Variants in FOXP2 observed in about 807,000 individuals in gnomAD.
FOXP2 encodes the protein forkhead box protein P2.
FOXP2 carries 12 observed loss-of-function variants against 115.8 expected under a neutral mutation model. The ratio of observed to expected loss-of-function variants is 0.10; its 90% CI spans 0.07 to 0.17. FOXP2 has a LOEUF of 0.17. FOXP2 is among the 10% of genes least tolerant of loss of function. The pLI is 1.00. For synonymous variants in FOXP2, 328 were observed against 297.7 expected, an observed-to-expected ratio of 1.10 and a Z score of -1.05; for missense variants, 629 against 843.5, an observed-to-expected ratio of 0.75 and a Z score of 3.15.
chr7:114,144,122 T>C (rs1584505001), intron 1 of FOXP2, among the ~76,000 whole-genome samples: 1 of 152,174 alleles, frequency 6.6e-6, no homozygotes, highest in Admixed American at 6.5e-5. Context: ...TGTCTGAGCA[T>C]GTTAAAAGTA....
chr7:114,517,385 GT>G (rs1231279220), intron 2 of FOXP2, among the ~76,000 whole-genome samples: 2 of 152,076 alleles, frequency 1.3e-5, no homozygotes, highest in Non-Finnish European at 2.9e-5. Flanking sequence ...TATTGCCTGT[GT>G]TTTGGGGCTC....
rs199581885 is a variant in FOXP2, at chr7:114,664,446, G to C, written c.2003+10G>C. 78 of 1,613,070 alleles carry C rather than the reference G, an allele frequency of 4.8e-5. No individual in the cohort carries two copies. In the Admixed American group the frequency reaches 8.9e-4, roughly 18 times the overall value. The stretch of plus-strand genomic sequence containing the variant: ...CACCTCAGCCGCACATGTAAGTGTG[G>C]TTAACAGACTCTCTAAAGGGAAGAA... On this transcript the variant is annotated intron_variant, in intron 16 of 16. Transcript: ENST00000350908.
At chr7:114,629,015 T>A in intron 4 of FOXP2, 1 of 300,664 alleles carries the variant, frequency 3.3e-6, no homozygotes, top group South Asian at 3.2e-5. Context: ...TAGTTGCTTT[T>A]AAAACTCCTA....
chr7:114,229,624 T>A (rs1794824075), intron 1 of FOXP2, among the ~76,000 whole-genome samples: 1 of 151,216 alleles, frequency 6.6e-6, no homozygotes, highest in African/African-American at 2.4e-5. Flanking sequence ...ATATGGAAAT[T>A]AAGCAACATA....
intron 3 of FOXP2, among the ~76,000 whole-genome samples, chr7:114,569,503 T>C (rs560789617): frequency 1.6e-4 from 24 of 152,052 alleles, no homozygotes; most frequent in South Asian, 1.4e-3. Context: ...TGCCAACACC[T>C]TCAATTGGAG....
intron 1 of FOXP2, among the ~76,000 whole-genome samples, chr7:114,272,242 G>T (rs756489736): frequency 6.6e-5 from 10 of 150,616 alleles, no homozygotes; most frequent in Non-Finnish European, 1.5e-4. Context: ...ATCCCACTTG[G>T]TAATGGTATA....
intron 2 of FOXP2, among the ~76,000 whole-genome samples, chr7:114,469,086 C>T (rs191177290): frequency 6.6e-6 from 1 of 152,232 alleles, no homozygotes; most frequent in East Asian, 1.9e-4. Context: ...GGCTCCTGTT[C>T]AACTCTTCCT....
chr7:114,193,596 T>C (rs1396356190), intron 1 of FOXP2, among the ~76,000 whole-genome samples: 1 of 152,002 alleles, frequency 6.6e-6, no homozygotes, highest in Non-Finnish European at 1.5e-5. Context: ...GAATGTCCGG[T>C]GGGAAATTTT....
chr7:114,371,723 C>G (rs982595941), intron 2 of FOXP2, among the ~76,000 whole-genome samples: 5 of 151,968 alleles, frequency 3.3e-5, no homozygotes, highest in African/African-American at 1.2e-4. Context: ...TTTCTAACTG[C>G]CCCCAGTGTC....
intron 3 of FOXP2, among the ~76,000 whole-genome samples, chr7:114,604,078 G>A (rs1291539405): frequency 3.3e-5 from 5 of 152,122 alleles, no homozygotes; most frequent in African/African-American, 9.7e-5. Context: ...TTACCATAAC[G>A]TGAGTGGCTT....
At chr7:114,484,706 C>A (rs1243884146) in intron 2 of FOXP2, among the ~76,000 whole-genome samples, 1 of 151,820 alleles carries the variant, frequency 6.6e-6, no homozygotes, top group Non-Finnish European at 1.5e-5. Flanking sequence ...ACCTGACTAA[C>A]CCTTACCATT....
intron 1 of FOXP2, among the ~76,000 whole-genome samples, chr7:114,166,692 G>A (rs889402981): frequency 1.3e-5 from 2 of 152,074 alleles, no homozygotes; most frequent in Admixed American, 1.3e-4. Flanking sequence ...GTGACAGAGT[G>A]AGACTTTGTC....
Position 114,481,804 on chromosome 7 carries a change from C to CTATCTATA in FOXP2, c.169-52805_169-52798dup, listed in dbSNP as rs1162983359. 4.7e-5 allele frequency among the ~76,000 whole-genome samples: 7 copies of CTATCTATA among 148,100 alleles called. No individual in the cohort carries two copies. In the South Asian group the frequency reaches 1.3e-3, roughly 27 times the overall value. ...TCTATCTATCTATCTATCTATCTAT[C>CTATCTATA]TATCTATATATCTATCTATCTAATC... On this transcript the variant is annotated intron_variant, in intron 2 of 16. Coordinates refer to ENST00000350908, the MANE Select transcript of FOXP2 (RefSeq NM_014491.4).
chr7:114,613,058 C>G (rs1238407753), intron 3 of FOXP2, among the ~76,000 whole-genome samples: 2 of 152,140 alleles, frequency 1.3e-5, no homozygotes, highest in Non-Finnish European at 2.9e-5. Flanking sequence ...AAGTATTTAC[C>G]AGCATATATT....
chr7:114,305,628 T>C lies in FOXP2; in HGVS notation c.-11+17519T>C, dbSNP rs1796995144. ...TCCTTATACATTTATGAGGAAATTGTACGGTAAGAAGTTTAGAACTGGAAG... is the reference window on the plus strand; with the variant it reads ...TCCTTATACATTTATGAGGAAATTGCACGGTAAGAAGTTTAGAACTGGAAG... On this transcript the variant is annotated intron_variant, in intron 2 of 17. Coordinates refer to the FOXP2 transcript ENST00000634411. Among the ~76,000 whole-genome samples, 5 of 152,140 alleles carry C rather than the reference T, an allele frequency of 3.3e-5. No homozygotes were observed. In the South Asian group the frequency reaches 1.0e-3, roughly 31 times the overall value.
intron 2 of FOXP2, among the ~76,000 whole-genome samples, chr7:114,479,256 G>T (rs945037168): frequency 3.3e-5 from 5 of 151,034 alleles, no homozygotes; most frequent in East Asian, 3.9e-4. Context: ...GTAAAAGTAG[G>T]TTATTTATAA....
At chr7:114,632,964 TAAA>T (rs1381643047) in intron 6 of FOXP2, among the ~76,000 whole-genome samples, 1 of 151,946 alleles carries the variant, frequency 6.6e-6, no homozygotes, top group African/African-American at 2.4e-5. Flanking sequence ...CATGAAAAAG[TAAA>T]AAAGAAAAGA....
intron 3 of FOXP2, among the ~76,000 whole-genome samples, chr7:114,540,381 C>T (rs897129488): frequency 3.3e-5 from 5 of 151,974 alleles, no homozygotes; most frequent in African/African-American, 1.2e-4. Flanking sequence ...AATAATAGAG[C>T]TCAATAAATA....
intron 2 of FOXP2, among the ~76,000 whole-genome samples, chr7:114,446,167 T>C (rs1034582674): frequency 6.6e-6 from 1 of 152,092 alleles, no homozygotes; most frequent in African/African-American, 2.4e-5. Flanking sequence ...TCAGATGATG[T>C]CAAAGAAGTT....
Sources: gnomAD v4.1 joint callset for allele counts (sites outside exome capture counted in the v4.1 genomes callset) on GRCh38, gnomAD v4.1.1 for gene constraint, MANE v1.5 for transcripts, NCBI Gene and HGNC (gene_info 2026-07-23, HGNC 2026-07-21) for gene names.